The following RNF123 variants were observed in gnomAD, a reference collection of about 807,000 sequenced individuals.
RNF123 encodes the protein E3 ubiquitin-protein ligase RNF123.
Under a neutral mutation model 168.5 loss-of-function variants are expected in RNF123, and 86 were observed. The observed-to-expected ratio is 0.51, with a 90% CI of 0.43 to 0.61. RNF123 has a LOEUF of 0.61. Among genes scored for constraint, RNF123 ranks in the 20% least tolerant of loss-of-function variants. RNF123 has a pLI of 0.00. For synonymous variants in RNF123, 666 were observed against 689.1 expected (o/e 0.97, Z 0.52); for missense variants, 1,419 against 1,729.7 (o/e 0.82, Z 3.19).
chr3:49,717,639 A>T, intron 35 of RNF123: 2 of 465,060 alleles, frequency 4.3e-6, no homozygotes, highest in Non-Finnish European at 7.8e-6. Context: ...TGAAAGCCAC[A>T]GGGGCCTGGG....
intron 2 of RNF123, 23 bp downstream of exon 2, chr3:49,691,270 G>C (rs762831492): frequency 5.6e-6 from 9 of 1,611,354 alleles, no homozygotes; most frequent in African/African-American, 1.3e-5. Flanking sequence ...AGGGAAGGAA[G>C]GAGGCTCCTC....
At position 49,702,651 on chromosome 3, in the gene RNF123, C is replaced by T; in HGVS notation, c.1648C>T (p.Pro550Ser). 3.1e-6 allele frequency: 5 copies of T among 1,614,230 alleles called. No individual in the cohort carries two copies. Among genetic ancestry groups the T allele is most frequent in the Non-Finnish European group, 4.2e-6 (5 of 1,180,028 alleles). ...TCCACAGAACATGCCCATGCTCTGC[C>T]CCCCTGAGTACATGGTCTGCTTCTT... ...SGRGNMPMLC[P>S]PEYMVCFLHR... Residue 550 changes from proline (P) to serine (S), a missense_variant, in exon 20 of 39, where the codon CCC becomes TCC. Physicochemically the swap from Pro to Ser is moderately conservative, Grantham distance 74 (BLOSUM62 -1). Around this residue, in one of 5 missense-constraint regions of RNF123, gnomAD observed 349 missense variants for 344.9 expected, o/e 1.01. Transcript: ENST00000327697.
chr3:49,717,058 C>T (rs927387058), intron 35 of RNF123: 2 of 153,090 alleles, frequency 1.3e-5, no homozygotes, highest in African/African-American at 4.8e-5. Context: ...CTCCTGCTCT[C>T]GAGGGACGTG....
intron 3 of RNF123, 174 bp from the exon 4 acceptor site, chr3:49,696,969 T>C: frequency 1.5e-6 from 1 of 655,652 alleles, no homozygotes; most frequent in Non-Finnish European, 2.8e-6. Flanking sequence ...CTTTTGAGTT[T>C]AGTGGAGAAT....
intron 23 of RNF123, 136 bp downstream of exon 23, chr3:49,705,318 C>A: frequency 1.6e-6 from 2 of 1,243,522 alleles, no homozygotes; most frequent in Non-Finnish European, 1.1e-6. Context: ...GTGCAGGAAG[C>A]ACACTCCGAG....
At chr3:49,709,608 T>TG (rs2080104113) in intron 26 of RNF123, among the ~76,000 whole-genome samples, 4 of 150,790 alleles carry the variant, frequency 2.7e-5, no homozygotes, top group East Asian at 3.9e-4. Context: ...CCTAATTTTG[T>TG]ATTTTTTTTT....
chr3:49,705,003 C>T lies in RNF123; in HGVS notation c.1979C>T (p.Ala660Val), dbSNP rs1441311952. The T allele has an allele frequency of 6.2e-7, 1 of 1,607,254 alleles. No individual in the cohort carries two copies. The highest frequency in any genetic ancestry group is 2.2e-5 in the East Asian group (1 of 44,684). Residue 660 changes from alanine to valine, a missense_variant, in exon 23 of 39, where the codon GCT becomes GTT. Transcript: ENST00000327697. The stretch of plus-strand genomic sequence containing the variant: ...CTGCAGCGCCCCATGCAGGCCCTGG[C>T]TGTTGGGGGGCCACTGCCCCTGCCC... ...AMAQRPMQAL[A>V]VGGPLPLPRP... is the part of the protein sequence containing the mutation.
rs1278809486 is a variant in RNF123, at chr3:49,715,813, G to C, written c.3151-9G>C. ...CTGACCACTGCATGCCCACGTGTTG[G>C]TGGCTCAGATCCAGCAGGCTGCTGA... is the stretch of plus-strand genomic sequence containing the variant. On this transcript the variant is annotated splice_polypyrimidine_tract_variant and intron_variant, in intron 32 of 38. Coordinates refer to ENST00000327697, the MANE Select transcript of RNF123 (RefSeq NM_022064.5). 6.2e-7 allele frequency: 1 copy of C among 1,613,974 alleles called. No homozygotes were observed. Among genetic ancestry groups the C allele is most frequent in the Non-Finnish European group, 8.5e-7 (1 of 1,179,924 alleles).
At chr3:49,712,962 G>T in intron 27 of RNF123, 1 of 702,550 alleles carries the variant, frequency 1.4e-6, no homozygotes, top group Non-Finnish European at 2.6e-6. Context: ...CCAGGAGCCA[G>T]CTGGCCTTGC....
At chr3:49,713,412 C>T in intron 27 of RNF123, 101 bp from the exon 28 acceptor site, 2 of 1,174,054 alleles carry the variant, frequency 1.7e-6, no homozygotes, top group Non-Finnish European at 1.2e-6. Flanking sequence ...GCCTTGGGAG[C>T]CAGCTCTAGA....
At chr3:49,713,114 G>C in intron 27 of RNF123, 3 of 600,580 alleles carry the variant, frequency 5.0e-6, no homozygotes, top group Non-Finnish European at 8.9e-6. Flanking sequence ...ATTCCAGGCT[G>C]GGCGTGGCAG....
Position 49,699,400 on chromosome 3 carries a change from G to A in RNF123, c.765-68G>A. 2 of 1,342,118 alleles carry A rather than the reference G, an allele frequency of 1.5e-6. No individual in the cohort carries two copies. The highest frequency in any genetic ancestry group is 1.3e-5 in the South Asian group (1 of 78,328). The allele number at this position is 1,342,118 out of a possible 1,614,324, so 83.1% of individuals were successfully genotyped here. A position where few individuals can be genotyped will look rare whatever the true frequency, so the allele number is the denominator to read the frequency against. On this transcript the variant is annotated intron_variant, in intron 10 of 38. Coordinates refer to ENST00000327697, the MANE Select transcript of RNF123 (RefSeq NM_022064.5). This position sits in a 1 kb window ranked among gnomAD's most constrained non-coding sequence, Gnocchi z 4.8. ...TAGAGCCCAGGCCCCGGGGTGGGGG[G>A]TGGGCAGTGGAGAGGGAGTAGGCAT...
At chr3:49,718,479 G>C in intron 35 of RNF123, 1 of 1,613,030 alleles carries the variant, frequency 6.2e-7, no homozygotes, top group Admixed American at 1.7e-5. Flanking sequence ...CCAGCACCGC[G>C]ATGCTGCCAT....
chr3:49,717,843 G>C (rs928915122), intron 35 of RNF123: 14 of 1,229,932 alleles, frequency 1.1e-5, no homozygotes, highest in African/African-American at 4.5e-5. Flanking sequence ...GAAGCTGGGG[G>C]GCCAGGCACA....
chr3:49,705,823 C>T, intron 24 of RNF123, 144 bp downstream of exon 24: 50 of 1,443,522 alleles, frequency 3.5e-5, no homozygotes, highest in Non-Finnish European at 4.6e-5. Flanking sequence ...CTGGTTTCTG[C>T]TCCTGCTGCC....
intron 21 of RNF123, among the ~76,000 whole-genome samples, chr3:49,704,374 C>G (rs921155515): frequency 1.3e-4 from 20 of 152,066 alleles, no homozygotes; most frequent in Admixed American, 6.5e-5. Flanking sequence ...GGGCTTACAT[C>G]TATGTAGAAT....
chr3:49,705,246 C>A, intron 23 of RNF123, 64 bp downstream of exon 23: 1 of 1,525,526 alleles, frequency 6.6e-7, no homozygotes, highest in Non-Finnish European at 8.9e-7. Context: ...AGTCCCCGAT[C>A]CGGGCAAAGC....
chr3:49,711,815 A>G (rs1181566935), intron 26 of RNF123, among the ~76,000 whole-genome samples: 2 of 151,948 alleles, frequency 1.3e-5, no homozygotes, highest in Non-Finnish European at 2.9e-5. Context: ...CCTCTGTTCC[A>G]CCAGTCACAC....
At chr3:49,702,957 G>A (rs896316431) in intron 20 of RNF123, among the ~76,000 whole-genome samples, 1 of 152,212 alleles carries the variant, frequency 6.6e-6, no homozygotes, top group Non-Finnish European at 1.5e-5. Flanking sequence ...TGCCGATCCT[G>A]TGTTTGCTCT....
Sources: gnomAD v4.1 joint callset for allele counts (sites outside exome capture counted in the v4.1 genomes callset) on GRCh38, gnomAD v4.1.1 for gene constraint, gnomAD v4.1.1 regional missense constraint, Gnocchi (gnomAD v3.1) non-coding constraint, MANE v1.5 for transcripts, NCBI Gene and HGNC (gene_info 2026-07-23, HGNC 2026-07-21) for gene names.